The following ARHGAP21 variants were observed in gnomAD, a reference collection of about 807,000 sequenced individuals.
ARHGAP21 encodes rho GTPase-activating protein 21.
In ARHGAP21, 38 loss-of-function variants were observed where a neutral mutation model predicts 164.6. The ratio of observed to expected loss-of-function variants is 0.23; its 90% CI spans 0.18 to 0.30. The LOEUF is 0.30. Ranked by LOEUF, ARHGAP21 falls within the 10% of genes least tolerant of loss-of-function variation. The pLI is 1.00. For missense variants in ARHGAP21, 1,822 were observed against 2,370.7 expected (o/e 0.77, Z 4.81); for synonymous variants, 766 against 857.9 (o/e 0.89, Z 1.87).
At position 24,597,477 on chromosome 10, in the gene ARHGAP21, C is replaced by T; in HGVS notation, c.3304G>A (p.Glu1102Lys). 6.2e-7 allele frequency: 1 copy of T among 1,614,004 alleles called. No homozygotes were observed. Among genetic ancestry groups the T allele is most frequent in the South Asian group, 1.1e-5 (1 of 91,042 alleles). Residue 1102 changes from glutamate to lysine, a missense_variant, in exon 16 of 26, where the codon GAA (glutamate) becomes AAA (lysine). Glu to Lys is a moderately conservative substitution (Grantham distance 56). Around this residue, in one of 5 missense-constraint regions of ARHGAP21, gnomAD observed 1,090 missense variants for 1,378.9 expected, o/e 0.79. Transcript: ENST00000396432. ...PKTQSPHSPK[E>K]ESERKLLSKD... ...CTGAGAAGTTTCCTTTCCGACTCTT[C>T]CTTCGGAGAGTGTGGGCTTTGAGTC...
At chr10:24,636,968 T>C (rs1215868938) in intron 4 of ARHGAP21, among the ~76,000 whole-genome samples, 1 of 152,218 alleles carries the variant, frequency 6.6e-6, no homozygotes, top group Non-Finnish European at 1.5e-5. Context: ...ATCCATAGCA[T>C]AGAGCAGGCA....
intron 4 of ARHGAP21, 107 bp downstream of exon 4, chr10:24,666,878 T>C (rs1840246163): frequency 5.2e-6 from 4 of 769,692 alleles, no homozygotes; most frequent in East Asian, 3.2e-5. Flanking sequence ...AGAACTATTA[T>C]ATATTTGAAC....
rs890179567 is a variant in ARHGAP21 at position 24,615,423 on chromosome 10, T to C, written c.2422+4050A>G. ...GGGAGGAGGAGAAGTCTTAGAGATA[T>C]GACAAAAGCATGGGGAAGAGATGCC... is the stretch of plus-strand genomic sequence containing the variant. On this transcript the variant is annotated intron_variant, in intron 9 of 25. Coordinates refer to ENST00000396432, the MANE Select transcript of ARHGAP21 (RefSeq NM_020824.4). 1.3e-5 allele frequency among the ~76,000 whole-genome samples: 2 copies of C among 152,104 alleles called. 1 individual carries two copies. Among genetic ancestry groups the C allele is most frequent in the East Asian group, 3.9e-4 (2 of 5,184 alleles).
intron 15 of ARHGAP21, 119 bp from the exon 16 acceptor site, chr10:24,597,702 A>G: frequency 7.0e-7 from 1 of 1,431,304 alleles, no homozygotes; most frequent in South Asian, 1.4e-5. Flanking sequence ...GGAATAAACA[A>G]TTCATAAGCT....
intron 4 of ARHGAP21, among the ~76,000 whole-genome samples, chr10:24,647,216 G>T (rs552099936): frequency 7.2e-5 from 11 of 152,290 alleles, no homozygotes; most frequent in African/African-American, 2.4e-4. Context: ...GAATCCAGTT[G>T]AATTCCTTGC....
At chr10:24,597,885 AG>A in intron 15 of ARHGAP21, 59 bp downstream of exon 15, 1 of 1,516,516 alleles carries the variant, frequency 6.6e-7, no homozygotes, top group Non-Finnish European at 9.1e-7. Flanking sequence ...CTTGCAAATA[AG>A]GGGGATGACT....
At chr10:24,596,468 A>C in intron 17 of ARHGAP21, 1 of 539,196 alleles carries the variant, frequency 1.9e-6, no homozygotes, top group Non-Finnish European at 3.2e-6. Flanking sequence ...CCTTGTTTTA[A>C]AATGCTAAAA....
intron 6 of ARHGAP21, among the ~76,000 whole-genome samples, chr10:24,632,922 A>G (rs1479952944): frequency 6.6e-6 from 1 of 152,180 alleles, no homozygotes; most frequent in Admixed American, 6.5e-5. Flanking sequence ...TTAGAGCTCA[A>G]AATCCTACTA....
At chr10:24,676,929 C>T (rs972270071) in intron 2 of ARHGAP21, among the ~76,000 whole-genome samples, 2 of 152,256 alleles carry the variant, frequency 1.3e-5, no homozygotes, top group Admixed American at 6.5e-5. Context: ...CCGGGCCAGG[C>T]ACAGTGGCTC....
At chr10:24,696,001 T>C (rs952628828) in intron 2 of ARHGAP21, among the ~76,000 whole-genome samples, 4 of 152,214 alleles carry the variant, frequency 2.6e-5, no homozygotes, top group Non-Finnish European at 5.9e-5. Flanking sequence ...AAATGTTCCT[T>C]TAATCACTAA....
chr10:24,659,632 C>T (rs917427262), intron 4 of ARHGAP21, among the ~76,000 whole-genome samples: 2 of 152,192 alleles, frequency 1.3e-5, no homozygotes, highest in African/African-American at 2.4e-5. Context: ...CTCTTTCTTA[C>T]GTATTTTCAA....
chr10:24,599,949 C>T (rs563494875), intron 14 of ARHGAP21, among the ~76,000 whole-genome samples: 5 of 151,988 alleles, frequency 3.3e-5, no homozygotes, highest in African/African-American at 4.8e-5. Context: ...CTGGCTAACA[C>T]GGTGAAACCC....
intron 9 of ARHGAP21, among the ~76,000 whole-genome samples, chr10:24,614,595 C>A (rs2077396490): frequency 6.6e-6 from 1 of 151,730 alleles, no homozygotes; most frequent in Admixed American, 6.6e-5. Flanking sequence ...CCAGCTTGGC[C>A]AACATGGTGA....
chr10:24,721,426 C>T (rs1338863854), intron 2 of ARHGAP21, among the ~76,000 whole-genome samples: 1 of 152,176 alleles, frequency 6.6e-6, no homozygotes, highest in Non-Finnish European at 1.5e-5. Context: ...TACTAGCTGC[C>T]CTCTCTGCAC....
At chr10:24,609,621 C>G (rs926436447) in intron 9 of ARHGAP21, among the ~76,000 whole-genome samples, 1 of 152,142 alleles carries the variant, frequency 6.6e-6, no homozygotes, top group Admixed American at 6.5e-5. Flanking sequence ...CTATACTAAT[C>G]CAATTCTTGA....
chr10:24,706,091 AT>A (rs1844199490), intron 2 of ARHGAP21, among the ~76,000 whole-genome samples: 1 of 152,242 alleles, frequency 6.6e-6, no homozygotes, highest in Admixed American at 6.5e-5. Context: ...CTCAAGAACC[AT>A]ATTTCACTAA....
At chr10:24,707,131 T>C (rs1403552214) in intron 2 of ARHGAP21, among the ~76,000 whole-genome samples, 1 of 152,230 alleles carries the variant, frequency 6.6e-6, no homozygotes, top group African/African-American at 2.4e-5. Context: ...CCAGTCTCTT[T>C]GTTCTCTTAC....
At chr10:24,629,499 T>C (rs1459038698) in intron 7 of ARHGAP21, 2 of 153,368 alleles carry the variant, frequency 1.3e-5, no homozygotes, top group Admixed American at 1.3e-4. Context: ...AGGAACGAAT[T>C]GATACTACTA....
At chr10:24,652,202 CA>C (rs1255417280) in intron 4 of ARHGAP21, among the ~76,000 whole-genome samples, 1 of 152,152 alleles carries the variant, frequency 6.6e-6, no homozygotes, top group Non-Finnish European at 1.5e-5. Context: ...CAGATCTACA[CA>C]CATACAATTT....
Sources: allele counts gnomAD v4.1 joint callset (sites outside exome capture counted in the v4.1 genomes callset), GRCh38; gene constraint gnomAD v4.1.1; regional missense constraint gnomAD v4.1.1; transcripts MANE v1.5; gene names NCBI Gene and HGNC (gene_info 2026-07-23, HGNC 2026-07-21).